The following ZNRF3 variants were observed in gnomAD, a reference collection of about 807,000 sequenced individuals.
ZNRF3 encodes zinc and ring finger 3.
A neutral mutation model predicts 72.5 loss-of-function variants in ZNRF3; 23 were observed. That is an observed-to-expected ratio of 0.32 (90% CI 0.23 to 0.45). ZNRF3 has a LOEUF of 0.45. ZNRF3 is among the 20% of genes least tolerant of loss of function. The pLI is 1.00. For synonymous variants in ZNRF3, 610 were observed against 545.3 expected, an observed-to-expected ratio of 1.12 and a Z score of -1.65; for missense variants, 1,169 against 1,272.1, an observed-to-expected ratio of 0.92 and a Z score of 1.23.
Position 29,050,334 on chromosome 22 carries a change from C to T in ZNRF3, c.2153C>T (p.Pro718Leu), listed in dbSNP as rs779793513. ...TGTGCCTGCTGCTGCGAGCCCCAGC[C>T]CTCCCCAGCCGGGCCTAGCGCCGGA... ...PSCACCCEPQ[P>L]SPAGPSAGAA... Residue 718 changes from proline to leucine, a missense_variant, in exon 8 of 9, where the codon CCC becomes CTC. Transcript: ENST00000544604. 6 of 1,601,846 alleles carry T rather than the reference C, an allele frequency of 3.7e-6. No homozygotes were observed. The Admixed American group carries it at 1.0e-4, about 27-fold the overall frequency.
chr22:28,883,952 G>A lies in ZNRF3; in HGVS notation c.186G>A (p.Glu62=), dbSNP rs2033715886. 2 of 1,287,206 alleles carry A rather than the reference G, an allele frequency of 1.6e-6. No individual in the cohort carries two copies. The highest frequency in any genetic ancestry group is 9.7e-5 in the East Asian group (2 of 20,596). The allele number at this position is 1,287,206 out of a possible 1,614,324, so 79.7% of individuals were successfully genotyped here. A position where few individuals can be genotyped will look rare whatever the true frequency, so the allele number is the denominator to read the frequency against. The change falls in exon 1 of 9, where the codon GAG becomes GAA. Residue 62 remains glutamate (E), a synonymous_variant. Coordinates refer to ENST00000544604, the MANE Select transcript of ZNRF3 (RefSeq NM_001206998.2). This position sits in a 1 kb window ranked among gnomAD's most constrained non-coding sequence, Gnocchi z 5.5. ...GGGCCAAGGAGACGGCGTTCGTGGA[G>A]GTGGTGCTGTTCGAGTCGAGCCCAA... The part of the protein sequence containing the change: ...AARAKETAFV[E]VVLFESSPSG...
intron 2 of ZNRF3, among the ~76,000 whole-genome samples, chr22:29,011,072 T>C (rs2036339286): frequency 6.6e-6 from 1 of 152,254 alleles, no homozygotes; most frequent in African/African-American, 2.4e-5. Flanking sequence ...TTAATTCATC[T>C]TCATCTACCT....
chr22:28,897,363 C>T (rs887635633), intron 1 of ZNRF3, among the ~76,000 whole-genome samples: 3 of 152,182 alleles, frequency 2.0e-5, no homozygotes, highest in South Asian at 2.1e-4. Context: ...GTCACCCACC[C>T]AGGCTGGAGT....
chr22:28,937,201 ATATATATATATATAT>A (rs1295445730), intron 1 of ZNRF3, among the ~76,000 whole-genome samples: 8 of 4,416 alleles, frequency 1.8e-3, no homozygotes, highest in African/African-American at 3.3e-3. Context: ...ATATATATAT[ATATATATATATATAT>A]TTTTTTTTTT....
intron 1 of ZNRF3, chr22:28,986,766 C>G (rs2035861170): frequency 3.3e-6 from 2 of 600,478 alleles, no homozygotes; most frequent in Non-Finnish European, 4.2e-6. Flanking sequence ...TTTAGATTGG[C>G]ATTTATATGG....
intron 2 of ZNRF3, among the ~76,000 whole-genome samples, chr22:29,039,784 CA>C (rs397976678): frequency 0.35 from 29,653 of 85,160 alleles, 3,491 homozygotes; most frequent in Middle Eastern, 0.42. Flanking sequence ...TCGTCTCTAC[CA>C]AAAAAAAAAA....
Position 29,049,620 on chromosome 22 carries a change from C to T in ZNRF3, c.1439C>T (p.Pro480Leu), listed in dbSNP as rs370300500. The T allele has an allele frequency of 5.0e-6, 8 of 1,610,746 alleles. No individual in the cohort carries two copies. Among genetic ancestry groups the T allele is most frequent in the Non-Finnish European group, 5.9e-6 (7 of 1,179,480 alleles). Residue 480 changes from proline to leucine, a missense_variant, in exon 8 of 9, where the codon CCG becomes CTG. Pro to Leu is a moderately conservative substitution (Grantham distance 98). This residue lies in a region of ZNRF3 where 783 missense variants were observed against 731.4 expected (regional missense o/e 1.07). Transcript: ENST00000544604. This position sits in a 1 kb window ranked among gnomAD's most constrained non-coding sequence, Gnocchi z 5.2. The part of the protein sequence containing the change: ...QHYYFQGLSY[P>L]EQEGQSPPSL... ...TACTACTTCCAGGGCCTCAGCTACC[C>T]GGAGCAGGAGGGGCAGTCCCCACCT...
At chr22:28,935,383 A>C (rs760972626) in intron 1 of ZNRF3, among the ~76,000 whole-genome samples, 4 of 151,800 alleles carry the variant, frequency 2.6e-5, no homozygotes, top group Non-Finnish European at 4.4e-5. Context: ...GGTGAAGCCT[A>C]CTCGTTGTCA....
intron 1 of ZNRF3, among the ~76,000 whole-genome samples, chr22:28,903,044 T>G (rs1343623913): frequency 6.6e-6 from 1 of 152,192 alleles, no homozygotes; most frequent in Non-Finnish European, 1.5e-5. Flanking sequence ...TCCCCTAGTG[T>G]GGGGGTCTGT....
chr22:29,023,774 C>G (rs558590989), intron 2 of ZNRF3, among the ~76,000 whole-genome samples: 1 of 152,190 alleles, frequency 6.6e-6, no homozygotes, highest in Non-Finnish European at 1.5e-5. Flanking sequence ...ATCAGTCTTT[C>G]CAAATGTCCC....
chr22:28,997,679 T>G (rs908657750), intron 2 of ZNRF3, among the ~76,000 whole-genome samples: 1 of 151,980 alleles, frequency 6.6e-6, no homozygotes, highest in African/African-American at 2.4e-5. Flanking sequence ...CCTCCGTTTC[T>G]CCATACCGCC....
In ZNRF3 at chr22:28,984,120, T is replaced by G. The variant is rs75009647; in HGVS notation, c.301-2956T>G. ...AGTAAGCTCTTAGGACAGTTGCTTG[T>G]TTTTTTTTTTTAAAAAAAACCTTTT... is the stretch of plus-strand genomic sequence containing the variant. On this transcript the variant is annotated intron_variant, in intron 1 of 8. Coordinates refer to ENST00000544604, the MANE Select transcript of ZNRF3 (RefSeq NM_001206998.2). 5.2e-5 allele frequency among the ~76,000 whole-genome samples: 7 copies of G among 134,392 alleles called. No homozygotes were observed. The East Asian group carries it at 9.4e-4, about 18-fold the overall frequency. 88.2% of individuals were successfully genotyped at this position (134,392 alleles called of 152,430 possible).
intron 1 of ZNRF3, among the ~76,000 whole-genome samples, chr22:28,926,664 A>G (rs1041761380): frequency 5.9e-5 from 9 of 151,394 alleles, no homozygotes; most frequent in African/African-American, 2.2e-4. Context: ...TTAGCTGGGC[A>G]TGGGCATGCC....
chr22:29,020,780 T>G (rs913163786), intron 2 of ZNRF3, among the ~76,000 whole-genome samples: 19 of 142,332 alleles, frequency 1.3e-4, no homozygotes, highest in South Asian at 7.4e-4. Context: ...TGTGTGGGTG[T>G]GTGTGTGTGT....
chr22:28,958,401 G>A (rs1323669783), intron 1 of ZNRF3, among the ~76,000 whole-genome samples: 2 of 152,060 alleles, frequency 1.3e-5, no homozygotes, highest in Non-Finnish European at 2.9e-5. Flanking sequence ...CCTCCTTTAG[G>A]GGAGGGAAAG....
intron 2 of ZNRF3, among the ~76,000 whole-genome samples, chr22:29,011,480 A>T (rs1376485642): frequency 6.6e-6 from 1 of 152,236 alleles, no homozygotes; most frequent in East Asian, 1.9e-4. Context: ...AGGGGGAAAA[A>T]CACTCTTGAG....
chr22:28,961,374 T>C (rs1039043723), intron 1 of ZNRF3, among the ~76,000 whole-genome samples: 4 of 152,162 alleles, frequency 2.6e-5, no homozygotes, highest in South Asian at 2.1e-4. Flanking sequence ...TCCCATCCCA[T>C]TGGGACAAGA....
At chr22:29,033,772 TG>T in intron 2 of ZNRF3, among the ~76,000 whole-genome samples, 1 of 152,130 alleles carries the variant, frequency 6.6e-6, no homozygotes, top group South Asian at 2.1e-4. Context: ...ATGGGGGAGA[TG>T]GGGTACCTCC....
At chr22:29,046,136 G>A (rs1254908466) in intron 5 of ZNRF3, among the ~76,000 whole-genome samples, 1 of 152,158 alleles carries the variant, frequency 6.6e-6, no homozygotes, top group South Asian at 2.1e-4. Flanking sequence ...ACTCGGGTAG[G>A]GGGTGGTGAG....
Sources: allele counts gnomAD v4.1 joint callset (sites outside exome capture counted in the v4.1 genomes callset), GRCh38; gene constraint gnomAD v4.1.1; regional missense constraint gnomAD v4.1.1; non-coding constraint Gnocchi (gnomAD v3.1); transcripts MANE v1.5; gene names NCBI Gene and HGNC (gene_info 2026-07-23, HGNC 2026-07-21).